DNAH6: variants seen among roughly 807,000 people sequenced by gnomAD.
The protein encoded by DNAH6 is axonemal beta dynein heavy chain 6.
DNAH6 carries 340 observed loss-of-function variants against 491.4 expected under a neutral mutation model. That is an observed-to-expected ratio of 0.69 (90% CI 0.63 to 0.76). The LOEUF (loss-of-function observed/expected upper bound fraction) is 0.76, where lower values mean the gene tolerates loss of function less well. DNAH6 is among the 30% of genes least tolerant of loss of function. The probability of loss-of-function intolerance (pLI) is 0.00; values close to 1 mark genes in which losing one functional copy is unlikely to be tolerated. For missense variants in DNAH6, 4,443 were observed against 4,972.2 expected, an observed-to-expected ratio of 0.89 and a Z score of 3.20; for synonymous variants, 1,603 against 1,686.1, an observed-to-expected ratio of 0.95 and a Z score of 1.21.
chr2:84,728,986 G>C (rs1376820147), intron 61 of DNAH6, among the ~76,000 whole-genome samples: 2 of 152,074 alleles, frequency 1.3e-5, no homozygotes, highest in East Asian at 3.8e-4. Context: ...TTGAACCCCA[G>C]TGTATCACTA....
chr2:84,507,060 G>T, the DNAH6 span, among the ~76,000 whole-genome samples: 2 of 152,116 alleles, frequency 1.3e-5, no homozygotes, highest in Non-Finnish European at 2.9e-5. Flanking sequence ...CTCTTTTTTG[G>T]TTCCATATGA....
At chr2:84,476,927 C>T in the DNAH6 span, among the ~76,000 whole-genome samples, 2 of 152,230 alleles carry the variant, frequency 1.3e-5, no homozygotes, top group East Asian at 1.9e-4. Context: ...TCCCACCGAG[C>T]TTCTTTTAAA....
intron 63 of DNAH6, among the ~76,000 whole-genome samples, chr2:84,750,001 A>G (rs1171243085): frequency 1.3e-5 from 2 of 152,184 alleles, no homozygotes; most frequent in African/African-American, 2.4e-5. Flanking sequence ...TAACATACTA[A>G]ATATACATAA....
intron 12 of DNAH6, 114 bp from the exon 13 acceptor site, chr2:84,577,140 TAAC>T (rs1158767516): frequency 1.8e-6 from 1 of 565,512 alleles, no homozygotes; most frequent in East Asian, 3.3e-5. Context: ...GTACAGATAA[TAAC>T]ATTATACATA....
At chr2:84,642,283 C>A (rs1296999131) in intron 33 of DNAH6, among the ~76,000 whole-genome samples, 1 of 152,142 alleles carries the variant, frequency 6.6e-6, no homozygotes, top group Non-Finnish European at 1.5e-5. Flanking sequence ...AGACTATGTG[C>A]TGTACAACTT....
At chr2:84,747,098 A>T (rs1181878094) in intron 63 of DNAH6, among the ~76,000 whole-genome samples, 1 of 152,134 alleles carries the variant, frequency 6.6e-6, no homozygotes, top group Non-Finnish European at 1.5e-5. Context: ...GAGGGGACAA[A>T]CATCCAAACT....
intron 37 of DNAH6, among the ~76,000 whole-genome samples, chr2:84,667,810 T>A (rs571781240): frequency 3.3e-4 from 51 of 152,314 alleles, no homozygotes; most frequent in Non-Finnish European, 7.1e-4. Context: ...TGCGGCACTA[T>A]TTACAATAGC....
chr2:84,483,048 A>G, the DNAH6 span, among the ~76,000 whole-genome samples: 1,675 of 151,830 alleles, frequency 0.011, 28 homozygotes, highest in African/African-American at 0.039. Flanking sequence ...GCAGCCTCCA[A>G]CTCCTAGGCT....
intron 18 of DNAH6, among the ~76,000 whole-genome samples, chr2:84,603,881 C>G (rs888868085): frequency 2.6e-5 from 4 of 152,184 alleles, no homozygotes; most frequent in African/African-American, 9.6e-5. Context: ...CCTCCCCAAG[C>G]CAGCATCATA....
At chr2:84,460,746 C>T in the DNAH6 span, among the ~76,000 whole-genome samples, 1 of 152,182 alleles carries the variant, frequency 6.6e-6, no homozygotes. Context: ...ATTTCAACCT[C>T]TTGTAATAAC....
At position 84,643,714 on chromosome 2, in the gene DNAH6, C is replaced by A. The variant is rs115601310; in HGVS notation, c.5078+1660C>A. Among the ~76,000 whole-genome samples, 1,355 of 152,218 alleles carry A rather than the reference C, an allele frequency of 8.9e-3. 27 individuals are homozygous for A. Among genetic ancestry groups the A allele is most frequent in the African/African-American group, 0.03 (1,258 of 41,548 alleles). Reference sequence around the variant, plus strand: ...GTGTGCTGGTTTTTATAATTCATTTCTTTCTGCTTCTTTCTTTGGCTTTCC... The same window carrying A: ...GTGTGCTGGTTTTTATAATTCATTTATTTCTGCTTCTTTCTTTGGCTTTCC... On this transcript the variant is annotated intron_variant, in intron 33 of 76. Coordinates refer to ENST00000389394, the MANE Select transcript of DNAH6 (RefSeq NM_001370.2).
In DNAH6 at chr2:84,619,734, C is replaced by G; in HGVS notation, c.3622C>G (p.Arg1208Gly). 6.4e-7 allele frequency: 1 copy of G among 1,551,620 alleles called. No individual in the cohort carries two copies. The highest frequency in any genetic ancestry group is 8.7e-7 in the Non-Finnish European group (1 of 1,146,830). Residue 1208 changes from arginine (R) to glycine (G), a missense_variant, in exon 24 of 77, where the codon CGA becomes GGA. Arg to Gly is a moderately radical substitution (Grantham distance 125, BLOSUM62 -2). Around this residue, in one of 3 missense-constraint regions of DNAH6, gnomAD observed 2,977 missense variants for 3,296.6 expected, o/e 0.90. Transcript: ENST00000389394. ...ACTTCTGGAGATTTTGGCCCAGACA[C>G]GAAATCCACAGGCCGTGCAGCCACA... is the stretch of plus-strand genomic sequence containing the variant. The part of the protein sequence containing the change: ...DELLEILAQT[R>G]NPQAVQPHLR...
In DNAH6 at chr2:84,699,673, G is replaced by A. The variant is rs369172853; in HGVS notation, c.7757G>A (p.Arg2586Gln). ...LCMSPVGEAF[R>Q]SRCRMFPSLV... ...ATGAGCCCAGTTGGGGAGGCCTTTC[G>A]GTCCCGATGCAGGATGTTTCCATCC... Residue 2586 changes from arginine (R) to glutamine (Q), a missense_variant, in exon 48 of 77, where the codon CGG (arginine) becomes CAG (glutamine). Physicochemically the swap from Arg to Gln is conservative, Grantham distance 43 (BLOSUM62 1). Around this residue, in one of 3 missense-constraint regions of DNAH6, gnomAD observed 2,977 missense variants for 3,296.6 expected, o/e 0.90. Transcript: ENST00000389394. 176 of 1,551,754 alleles carry A rather than the reference G, an allele frequency of 1.1e-4. 1 individual carries two copies. The African/African-American group carries it at 1.9e-3, about 17-fold the overall frequency.
chr2:84,723,250 G>A (rs1698331526), intron 60 of DNAH6, among the ~76,000 whole-genome samples: 1 of 151,080 alleles, frequency 6.6e-6, no homozygotes, highest in Non-Finnish European at 1.5e-5. Context: ...AAATAAAAAA[G>A]AGTGGTTTCA....
In DNAH6 at chr2:84,808,491, C is replaced by G. The variant is rs1284307324; in HGVS notation, c.11688C>G (p.Thr3896=). 6.4e-7 allele frequency: 1 copy of G among 1,551,512 alleles called. No individual in the cohort carries two copies. The highest frequency in any genetic ancestry group is 1.2e-5 in the South Asian group (1 of 83,916). The change falls in exon 72 of 77, where the codon ACC becomes ACG. Residue 3896 remains threonine, a synonymous_variant. Transcript: ENST00000389394. The part of the protein sequence containing the change: ...DLQGRLNSLT[T]VLGQEVDRFN... ...AAGGACGTCTGAACTCCTTGACCAC[C>G]GTTCTTGGACAGGAAGTGGACCGGT... is the stretch of plus-strand genomic sequence containing the variant.
chr2:84,709,655 A>C, intron 55 of DNAH6, 109 bp downstream of exon 55: 1 of 1,194,138 alleles, frequency 8.4e-7, no homozygotes, highest in Non-Finnish European at 1.2e-6. Context: ...TAGATTTAAC[A>C]TACATGGAGA....
At chr2:84,813,259 T>G in intron 74 of DNAH6, 129 bp downstream of exon 74, 1 of 701,128 alleles carries the variant, frequency 1.4e-6, no homozygotes, top group Non-Finnish European at 2.4e-6. Context: ...TAGGGCAATC[T>G]AACAAGGTCG....
At chr2:84,585,228 C>A (rs1041968449) in intron 15 of DNAH6, among the ~76,000 whole-genome samples, 1 of 152,156 alleles carries the variant, frequency 6.6e-6, no homozygotes, top group African/African-American at 2.4e-5. Context: ...GTAAACACAT[C>A]TATGTATCCA....
At chr2:84,777,438 A>G (rs1163277477) in intron 64 of DNAH6, 1 of 597,400 alleles carries the variant, frequency 1.7e-6, no homozygotes, top group African/African-American at 1.9e-5. Flanking sequence ...ATCATGGTGG[A>G]AATTAGGTGC....
Sources: allele counts gnomAD v4.1 joint callset (sites outside exome capture counted in the v4.1 genomes callset), GRCh38; gene constraint gnomAD v4.1.1; regional missense constraint gnomAD v4.1.1; transcripts MANE v1.5; gene names NCBI Gene and HGNC (gene_info 2026-07-23, HGNC 2026-07-21).